The following WDR37 variants were observed in gnomAD, a reference collection of about 807,000 sequenced individuals.
WDR37 encodes the protein WD repeat domain 37, also known as WD repeat-containing protein 37.
Under a neutral mutation model 62.9 loss-of-function variants are expected in WDR37, and 19 were observed. That is an observed-to-expected ratio of 0.30 (90% CI 0.21 to 0.44). The LOEUF (loss-of-function observed/expected upper bound fraction) is 0.44, where lower values mean the gene tolerates loss of function less well. Among genes scored for constraint, WDR37 ranks in the 20% least tolerant of loss-of-function variants. The probability of loss-of-function intolerance (pLI) is 1.00; values close to 1 mark genes in which losing one functional copy is unlikely to be tolerated. For synonymous variants in WDR37, 250 were observed against 260.9 expected (o/e 0.96, Z 0.40); for missense variants, 474 against 657.6 (o/e 0.72, Z 3.05).
chr10:1,117,334 A>G (rs977686555), intron 11 of WDR37, among the ~76,000 whole-genome samples: 28 of 152,218 alleles, frequency 1.8e-4, no homozygotes, highest in African/African-American at 6.5e-4. Context: ...GATTACAGGC[A>G]TGACCCACTG....
chr10:1,079,504 T>C (rs1176884138), intron 3 of WDR37, among the ~76,000 whole-genome samples: 1 of 150,400 alleles, frequency 6.6e-6, no homozygotes, highest in African/African-American at 2.4e-5. Context: ...TGTGAGCTTT[T>C]ACTTTTGGAA....
At chr10:1,069,389 A>ATATATATATATATATATATATAATTTTTT in intron 1 of WDR37, among the ~76,000 whole-genome samples, 1 of 95,806 alleles carries the variant, frequency 1.0e-5, no homozygotes, top group African/African-American at 4.7e-5. Flanking sequence ...ATATATATAT[A>ATATATATATATATATATATATAATTTTTT]TTTTTTTTTT....
At chr10:1,061,002 C>T (rs553698859) in intron 1 of WDR37, among the ~76,000 whole-genome samples, 6 of 152,268 alleles carry the variant, frequency 3.9e-5, no homozygotes, top group Admixed American at 6.5e-5. Context: ...CCCACAGTGA[C>T]GAAATCACGT....
At chr10:1,106,318 C>T (rs754565443) in intron 11 of WDR37, among the ~76,000 whole-genome samples, 2 of 152,178 alleles carry the variant, frequency 1.3e-5, no homozygotes, top group African/African-American at 2.4e-5. Context: ...GGCCGCTCCT[C>T]GCTCCTCCAT....
chr10:1,129,060 C>T (rs984343887), intron 13 of WDR37, among the ~76,000 whole-genome samples, 153 bp from the exon 14 acceptor site: 5 of 151,840 alleles, frequency 3.3e-5, no homozygotes, highest in South Asian at 2.1e-4. Context: ...CTTGGTGGTC[C>T]GTGCTCGGTG....
chr10:1,083,632 A>G (rs896898907), intron 5 of WDR37, among the ~76,000 whole-genome samples: 5 of 152,232 alleles, frequency 3.3e-5, no homozygotes, highest in African/African-American at 1.2e-4. Flanking sequence ...GTGTTGAATT[A>G]GTTTCTTCCT....
At chr10:1,126,849 A>C (rs1201854024) in intron 13 of WDR37, among the ~76,000 whole-genome samples, 2 of 152,196 alleles carry the variant, frequency 1.3e-5, no homozygotes, top group African/African-American at 4.8e-5. Flanking sequence ...CTGGCATGAG[A>C]GTGCACTGTT....
At chr10:1,128,741 G>A (rs563391231) in intron 13 of WDR37, among the ~76,000 whole-genome samples, 3 of 152,200 alleles carry the variant, frequency 2.0e-5, no homozygotes, top group Non-Finnish European at 2.9e-5. Context: ...ACCAACCCTC[G>A]TGCTCACTGG....
At position 1,056,672 on chromosome 10, in the gene WDR37, G is replaced by T. The variant is rs535164723; in HGVS notation, c.-337G>T. The T allele has an allele frequency of 6.6e-5, 10 of 152,266 alleles. No individual in the cohort carries two copies. The highest frequency in any genetic ancestry group is 3.3e-4 in the Admixed American group (5 of 15,284). 9.4% of individuals were successfully genotyped at this position (152,266 alleles called of 1,614,324 possible). A position where few individuals can be genotyped will look rare whatever the true frequency, so the allele number is the denominator to read the frequency against. ...CAGCAGCCGAAGGGGTCTTCAGCGC[G>T]CCCAGACCCCTCGGGGCTGCGGGGC... On this transcript the variant is annotated 5_prime_UTR_variant, in exon 1 of 14. Transcript: ENST00000263150.
chr10:1,125,052 A>ACT, intron 13 of WDR37, 28 bp downstream of exon 13: 1 of 1,612,876 alleles, frequency 6.2e-7, no homozygotes, highest in Non-Finnish European at 8.5e-7. Context: ...GAACATATGC[A>ACT]GGGCACAGTG....
At position 1,071,856 on chromosome 10, in the gene WDR37, A is replaced by AT. The variant is rs1209961246; in HGVS notation, c.-40-250dup. Among the ~76,000 whole-genome samples the AT allele has an allele frequency of 6.6e-5, 10 of 150,764 alleles. No homozygotes were observed. The South Asian group carries it at 1.3e-3, about 19-fold the overall frequency. On this transcript the variant is annotated intron_variant, in intron 1 of 13. Coordinates refer to ENST00000263150, the MANE Select transcript of WDR37 (RefSeq NM_014023.4). Reference sequence around the variant, plus strand: ...AATTCCGTTGGGTTAAGGGAGAGCAATTTTTTTTTTAAATTTTAAACCTCT... The same window carrying AT: ...AATTCCGTTGGGTTAAGGGAGAGCAATTTTTTTTTTTAAATTTTAAACCTCT...
In WDR37 at chr10:1,114,804, T is replaced by C. The variant is rs1372952028; in HGVS notation, c.1104-9414T>C. ...CAGTGTAATTCCATAAGTCTGGCCCTCTCCTGGCTGCTGCATTCCCTTGCA... is the reference window on the plus strand; with the variant it reads ...CAGTGTAATTCCATAAGTCTGGCCCCCTCCTGGCTGCTGCATTCCCTTGCA... On this transcript the variant is annotated intron_variant, in intron 11 of 13. Transcript: ENST00000263150. Among the ~76,000 whole-genome samples the C allele has an allele frequency of 2.0e-5, 3 of 152,208 alleles. No homozygotes were observed. The East Asian group carries it at 5.8e-4, about 29-fold the overall frequency.
At chr10:1,058,916 T>G (rs1367338721) in intron 1 of WDR37, among the ~76,000 whole-genome samples, 1 of 152,282 alleles carries the variant, frequency 6.6e-6, no homozygotes, top group Admixed American at 6.5e-5. Context: ...TAATGCCACA[T>G]GGACATTATA....
rs1309283027 is a variant in WDR37 at position 1,056,889 on chromosome 10, G to C, written c.-120G>C. ...TCCTGCGCGTCTTCGGGTCAGTACG[G>C]GGGGCCGCGTCGTAGGGACTCACTG... On this transcript the variant is annotated 5_prime_UTR_variant, in exon 1 of 14. Transcript: ENST00000263150. The C allele has an allele frequency of 6.6e-6, 1 of 152,402 alleles. No homozygotes were observed. Among genetic ancestry groups the C allele is most frequent in the Non-Finnish European group, 1.5e-5 (1 of 68,234 alleles). 9.4% of individuals were successfully genotyped at this position (152,402 alleles called of 1,614,324 possible).
intron 2 of WDR37, among the ~76,000 whole-genome samples, chr10:1,073,621 TAGCTTAACAGACTGGGC>T: frequency 6.6e-6 from 1 of 152,324 alleles, no homozygotes; most frequent in South Asian, 2.1e-4. Flanking sequence ...ACAGACTGGG[TAGCTTAACAGACTGGGC>T]AGCTTAAACA....
chr10:1,068,127 A>G (rs2131610093), intron 1 of WDR37, among the ~76,000 whole-genome samples: 1 of 152,254 alleles, frequency 6.6e-6, no homozygotes, highest in East Asian at 1.9e-4. Flanking sequence ...ACAAACATGC[A>G]GTATGATAGA....
intron 9 of WDR37, among the ~76,000 whole-genome samples, chr10:1,100,769 T>C (rs527539694): frequency 2.0e-5 from 3 of 152,340 alleles, no homozygotes; most frequent in East Asian, 1.9e-4. Flanking sequence ...CCTGGCTCTT[T>C]GCTGTGCTCC....
rs543347432 is a variant in WDR37 at position 1,082,267 on chromosome 10, G to A, written c.396+1791G>A. Among the ~76,000 whole-genome samples the A allele has an allele frequency of 7.2e-5, 11 of 152,268 alleles. No individual in the cohort carries two copies. The South Asian group carries it at 8.3e-4, about 11-fold the overall frequency. On this transcript the variant is annotated intron_variant, in intron 5 of 13. Coordinates refer to ENST00000263150, the MANE Select transcript of WDR37 (RefSeq NM_014023.4). ...TTCCCTCCTTCTGACCCAGAGCCACGAAAAGCAAGTAACGTGCCTGGTGGG... is the reference window on the plus strand; with the variant it reads ...TTCCCTCCTTCTGACCCAGAGCCACAAAAAGCAAGTAACGTGCCTGGTGGG...
Position 1,056,608 on chromosome 10 carries a change from G to C in WDR37, c.-401G>C, listed in dbSNP as rs1374598099. 1 of 152,394 alleles carries C rather than the reference G, an allele frequency of 6.6e-6. No homozygotes were observed. Among genetic ancestry groups the C allele is most frequent in the East Asian group, 1.9e-4 (1 of 5,166 alleles). 9.4% of individuals were successfully genotyped at this position (152,394 alleles called of 1,614,324 possible). The stretch of plus-strand genomic sequence containing the variant: ...CGAGGCCACCTCCCGCGAACCGCTC[G>C]GCGGCAGGAGTACGTGACCAAGGGT... On this transcript the variant is annotated 5_prime_UTR_variant, in exon 1 of 14. Transcript: ENST00000263150.
Sources: allele counts gnomAD v4.1 joint callset (sites outside exome capture counted in the v4.1 genomes callset), GRCh38; gene constraint gnomAD v4.1.1; transcripts MANE v1.5; gene names NCBI Gene and HGNC (gene_info 2026-07-23, HGNC 2026-07-21).